TF: variants seen among roughly 807,000 people sequenced by gnomAD.
TF encodes transferrin.
In TF, 55 loss-of-function variants were observed where a neutral mutation model predicts 82.4. The ratio of observed to expected loss-of-function variants is 0.67; its 90% CI spans 0.54 to 0.84. The LOEUF (loss-of-function observed/expected upper bound fraction) is 0.84, where lower values mean the gene tolerates loss of function less well. TF is among the 40% of genes least tolerant of loss of function. TF has a pLI of 0.00. For missense variants in TF, 737 were observed against 868.4 expected, an observed-to-expected ratio of 0.85 and a Z score of 1.90; for synonymous variants, 332 against 332.6, an observed-to-expected ratio of 1.00 and a Z score of 0.02.
At chr3:133,679,952 G>A in the TF span, among the ~76,000 whole-genome samples, 1 of 152,124 alleles carries the variant, frequency 6.6e-6, no homozygotes, top group Admixed American at 6.5e-5. Flanking sequence ...AGTGCTTGGT[G>A]GTGTCAGTCT....
rs1250389719 is a variant in TF, at chr3:133,790,985, A to AT, written c.*12369dup. On this transcript the variant is annotated 3_prime_UTR_variant, in exon 17 of 17. Transcript: ENST00000402696. ...GGGTTCCTATTTGTTTTTGCTTCTAATTTTCATTTGTTTGCCATTTATTCT... is the reference window on the plus strand; with the variant it reads ...GGGTTCCTATTTGTTTTTGCTTCTAATTTTTCATTTGTTTGCCATTTATTCT... 6.6e-6 allele frequency: 1 copy of AT among 152,086 alleles called. No individual in the cohort carries two copies. Among genetic ancestry groups the AT allele is most frequent in the African/African-American group, 2.4e-5 (1 of 41,434 alleles). The allele number at this position is 152,086 out of a possible 1,614,324, so 9.4% of individuals were successfully genotyped here. A position where few individuals can be genotyped will look rare whatever the true frequency, so the allele number is the denominator to read the frequency against.
At chr3:133,699,446 G>A in the TF span, 1 of 1,233,362 alleles carries the variant, frequency 8.1e-7, no homozygotes, top group African/African-American at 1.5e-5. Context: ...CCTCCCCAGA[G>A]AACCTGGCAA....
chr3:133,771,880 C>G (rs1337467048), intron 14 of TF, among the ~76,000 whole-genome samples: 5 of 152,064 alleles, frequency 3.3e-5, no homozygotes, highest in Admixed American at 6.6e-5. Context: ...CACCTGACCC[C>G]TCAGTATCAC....
At chr3:133,700,298 C>G in the TF span, 1 of 152,410 alleles carries the variant, frequency 6.6e-6, no homozygotes, top group Non-Finnish European at 1.5e-5. Flanking sequence ...AAAGCAAACA[C>G]CAGCCAGCCA....
intron 16 of TF, 184 bp downstream of exon 16, chr3:133,777,422 A>G (rs1423296183): frequency 6.5e-6 from 4 of 616,036 alleles, no homozygotes; most frequent in African/African-American, 1.8e-5. Context: ...GGCAGATAGT[A>G]AGGGGATACA....
At position 133,791,883 on chromosome 3, in the gene TF, T is replaced by C. The variant is rs1014289275; in HGVS notation, c.*13263T>C. 3 of 152,176 alleles carry C rather than the reference T, an allele frequency of 2.0e-5. No individual in the cohort carries two copies. The highest frequency in any genetic ancestry group is 4.4e-5 in the Non-Finnish European group (3 of 68,022). The allele number at this position is 152,176 out of a possible 1,614,324, so 9.4% of individuals were successfully genotyped here. On this transcript the variant is annotated 3_prime_UTR_variant, in exon 17 of 17. Coordinates refer to ENST00000402696, the MANE Select transcript of TF (RefSeq NM_001063.4). ...GAGCATTAATTAATTAGCTTAATAA[T>C]AATAAGAGCTTAAATCAAATATTTT...
At chr3:133,740,096 A>G in the TF span, among the ~76,000 whole-genome samples, 2 of 152,258 alleles carry the variant, frequency 1.3e-5, no homozygotes, top group African/African-American at 2.4e-5. Flanking sequence ...ATGCCCATCA[A>G]TGATAGACTG....
chr3:133,709,340 G>C, the TF span, among the ~76,000 whole-genome samples: 7 of 152,268 alleles, frequency 4.6e-5, no homozygotes, highest in Admixed American at 3.9e-4. Flanking sequence ...CCAGAAGGGG[G>C]ACAGGATGGA....
At chr3:133,736,004 T>C in the TF span, among the ~76,000 whole-genome samples, 48 of 152,056 alleles carry the variant, frequency 3.2e-4, no homozygotes, top group Non-Finnish European at 5.3e-4. Context: ...CACATAATCG[T>C]CAGATTCACC....
At chr3:133,714,866 A>G in the TF span, among the ~76,000 whole-genome samples, 3 of 151,892 alleles carry the variant, frequency 2.0e-5, no homozygotes, top group African/African-American at 7.3e-5. Context: ...TATTTTGAGT[A>G]GAGACGGGGT....
At chr3:133,726,493 T>A in the TF span, among the ~76,000 whole-genome samples, 8 of 152,168 alleles carry the variant, frequency 5.3e-5, no homozygotes, top group Admixed American at 4.6e-4. Context: ...TCTGTGGGAT[T>A]GGTGGTGATA....
Position 133,754,575 on chromosome 3 carries a change from T to C in TF, c.406T>C (p.Ser136Pro), listed in dbSNP as rs1576357529. 1 of 1,614,166 alleles carries C rather than the reference T, an allele frequency of 6.2e-7. No individual in the cohort carries two copies. Among genetic ancestry groups the C allele is most frequent in the East Asian group, 2.2e-5 (1 of 44,872 alleles). Residue 136 changes from serine to proline, a missense_variant, in exon 4 of 17, where the codon TCC becomes CCC. Physicochemically the swap from Ser to Pro is moderately conservative, Grantham distance 74. Transcript: ENST00000402696. ...FQMNQLRGKK[S>P]CHTGLGRSAG... ...GATGAACCAGCTTCGAGGCAAGAAG[T>C]CCTGCCACACGGGTCTAGGCAGGTC...
chr3:133,712,660 G>C, the TF span: 1 of 157,152 alleles, frequency 6.4e-6, no homozygotes, highest in Non-Finnish European at 1.4e-5. Flanking sequence ...CTTTCTCGCA[G>C]ATGATTTCTT....
At chr3:133,669,240 G>T in the TF span, among the ~76,000 whole-genome samples, 1 of 152,018 alleles carries the variant, frequency 6.6e-6, no homozygotes, top group South Asian at 2.1e-4. Flanking sequence ...GACCTCAGGC[G>T]ATCCACCCAC....
the TF span, among the ~76,000 whole-genome samples, chr3:133,713,199 A>G: frequency 3.9e-5 from 6 of 152,258 alleles, no homozygotes; most frequent in African/African-American, 1.4e-4. Flanking sequence ...TATTTTAAAA[A>G]TAGATATTCC....
chr3:133,746,123 T>C (rs939586432), upstream of TF: 1 of 476,158 alleles, frequency 2.1e-6, no homozygotes, highest in Non-Finnish European at 3.9e-6. Context: ...CAGCCCGCCG[T>C]AGCCGCTCCT....
At chr3:133,755,710 G>A in intron 5 of TF, 2 of 633,398 alleles carry the variant, frequency 3.2e-6, no homozygotes, top group Non-Finnish European at 5.5e-6. Context: ...TCCTTTTCCT[G>A]GGGACCCTTC....
chr3:133,681,014 G>A, the TF span, among the ~76,000 whole-genome samples: 2 of 152,180 alleles, frequency 1.3e-5, no homozygotes, highest in East Asian at 3.8e-4. Context: ...TGTTATTATT[G>A]TAAACTTCAC....
At chr3:133,669,796 C>T in the TF span, among the ~76,000 whole-genome samples, 1 of 152,182 alleles carries the variant, frequency 6.6e-6, no homozygotes, top group Admixed American at 6.5e-5. Context: ...GAGGTCAACT[C>T]CTATTGTGTT....
Sources: gnomAD v4.1 joint callset for allele counts (sites outside exome capture counted in the v4.1 genomes callset) on GRCh38, gnomAD v4.1.1 for gene constraint, MANE v1.5 for transcripts, NCBI Gene and HGNC (gene_info 2026-07-23, HGNC 2026-07-21) for gene names.